CTNNA3: variants seen among roughly 807,000 people sequenced by gnomAD.
CTNNA3 encodes catenin alpha 3.
CTNNA3 carries 76 observed loss-of-function variants against 95.7 expected under a neutral mutation model. That is an observed-to-expected ratio of 0.79 (90% confidence interval 0.66 to 0.96). The LOEUF (loss-of-function observed/expected upper bound fraction) is 0.96, where lower values mean the gene tolerates loss of function less well. Among genes scored for constraint, CTNNA3 ranks in the 40% least tolerant of loss-of-function variants. CTNNA3 has a pLI of 0.00. For missense variants in CTNNA3, 1,191 were observed against 1,089.8 expected (o/e 1.09, Z -1.31); for synonymous variants, 431 against 374.4 (o/e 1.15, Z -1.74).
At chr10:66,782,752 A>C (rs1468468620) in intron 7 of CTNNA3, among the ~76,000 whole-genome samples, 2 of 152,118 alleles carry the variant, frequency 1.3e-5, no homozygotes, top group Admixed American at 6.6e-5. Context: ...TAATACATTG[A>C]GTGTTTGTAT....
intron 5 of CTNNA3, among the ~76,000 whole-genome samples, chr10:67,501,743 G>T (rs181117881): frequency 6.6e-6 from 1 of 151,526 alleles, no homozygotes; most frequent in African/African-American, 2.4e-5. Context: ...CTTTTCTTCC[G>T]CTTGATCGAT....
chr10:66,559,712 G>C (rs1842494644), intron 10 of CTNNA3, among the ~76,000 whole-genome samples: 1 of 151,752 alleles, frequency 6.6e-6, no homozygotes, highest in South Asian at 2.1e-4. Flanking sequence ...TCATTTACTG[G>C]GTTAGCATGT....
intron 7 of CTNNA3, among the ~76,000 whole-genome samples, chr10:66,812,596 T>C (rs991705851): frequency 1.3e-5 from 2 of 152,188 alleles, no homozygotes; most frequent in African/African-American, 4.8e-5. Context: ...GTAATTGTAG[T>C]ATCTACTTCA....
At chr10:66,602,098 A>AGAT (rs1383948313) in intron 10 of CTNNA3, among the ~76,000 whole-genome samples, 1 of 151,942 alleles carries the variant, frequency 6.6e-6, no homozygotes, top group Admixed American at 6.6e-5. Context: ...ATGATTGCTT[A>AGAT]GATTTGTATA....
rs145098734 is a variant in CTNNA3 at position 66,116,240 on chromosome 10, G to C, written c.1885-12991C>G. Among the ~76,000 whole-genome samples the C allele has an allele frequency of 8.5e-3, 1,299 of 152,276 alleles. 16 individuals carry two copies. The highest frequency in any genetic ancestry group is 0.029 in the African/African-American group (1,218 of 41,564). On this transcript the variant is annotated intron_variant, in intron 13 of 17. Transcript: ENST00000433211. Reference sequence around the variant, plus strand: ...CATTGTGCTGTTTCTACACAGACTTGTCCTGACCAAAGGAATTAGGACAAA... The same window carrying C: ...CATTGTGCTGTTTCTACACAGACTTCTCCTGACCAAAGGAATTAGGACAAA...
At chr10:66,302,244 A>G (rs2091872723) in intron 12 of CTNNA3, among the ~76,000 whole-genome samples, 1 of 152,066 alleles carries the variant, frequency 6.6e-6, no homozygotes, top group Admixed American at 6.5e-5. Flanking sequence ...GTCTTTCCCT[A>G]CTTGATGTAC....
At chr10:66,305,888 A>G (rs556910977) in intron 12 of CTNNA3, among the ~76,000 whole-genome samples, 1 of 152,306 alleles carries the variant, frequency 6.6e-6, no homozygotes, top group South Asian at 2.1e-4. Context: ...TCACTTATCA[A>G]TTCCATGCAG....
At chr10:66,365,857 G>A (rs1034725962) in intron 12 of CTNNA3, among the ~76,000 whole-genome samples, 8 of 151,990 alleles carry the variant, frequency 5.3e-5, no homozygotes, top group Admixed American at 5.3e-4. Context: ...ATTTAGTGAG[G>A]AACTGAAGCC....
At chr10:66,708,364 G>A (rs969844347) in intron 9 of CTNNA3, among the ~76,000 whole-genome samples, 2 of 152,034 alleles carry the variant, frequency 1.3e-5, no homozygotes, top group African/African-American at 2.4e-5. Flanking sequence ...TTGCTTGCGG[G>A]TGGCGGCCTT....
At chr10:66,758,939 C>A (rs372474664) in intron 9 of CTNNA3, among the ~76,000 whole-genome samples, 1 of 151,764 alleles carries the variant, frequency 6.6e-6, no homozygotes, top group Non-Finnish European at 1.5e-5. Context: ...TTGTCTCAAA[C>A]AAACAAACAA....
chr10:67,160,060 A>G (rs1861468224), intron 7 of CTNNA3, among the ~76,000 whole-genome samples: 1 of 152,186 alleles, frequency 6.6e-6, no homozygotes, highest in Admixed American at 6.5e-5. Context: ...AAAATGGCAA[A>G]GGACCCGAAT....
intron 5 of CTNNA3, among the ~76,000 whole-genome samples, chr10:67,492,909 T>C (rs1365642548): frequency 1.3e-5 from 2 of 152,144 alleles, no homozygotes; most frequent in African/African-American, 2.4e-5. Flanking sequence ...AGCTGGCTCA[T>C]ATTGAAATAA....
In CTNNA3 at chr10:65,917,561, T is replaced by A. The variant is rs1172838575; in HGVS notation, c.*2769A>T. 5.9e-5 allele frequency: 9 copies of A among 151,886 alleles called. No homozygotes were observed. 9.4% of individuals were successfully genotyped at this position (151,886 alleles called of 1,614,324 possible). ...TGCTCCTGTGGGTGGTAAACACCCC[T>A]CTCCTCCCTCTCAAGGAACGTTTTT... On this transcript the variant is annotated 3_prime_UTR_variant, in exon 18 of 18. Coordinates refer to ENST00000433211, the MANE Select transcript of CTNNA3 (RefSeq NM_013266.4).
At chr10:66,429,295 C>T (rs7392964) in intron 11 of CTNNA3, among the ~76,000 whole-genome samples, 40,263 of 151,964 alleles carry the variant, frequency 0.26, 5,496 homozygotes, top group South Asian at 0.39. Context: ...CAGGACCAGA[C>T]GGATTCACAG....
intron 7 of CTNNA3, among the ~76,000 whole-genome samples, chr10:67,080,936 C>CAA (rs58476986): frequency 1.6e-4 from 5 of 31,428 alleles, no homozygotes; most frequent in African/African-American, 8.8e-4. Context: ...AAAAAAACAA[C>CAA]AAAAAAAAAA....
Position 66,677,013 on chromosome 10 carries a change from T to G in CTNNA3, c.1282-55229A>C, listed in dbSNP as rs184849110. On this transcript the variant is annotated intron_variant, in intron 9 of 17. Coordinates refer to ENST00000433211, the MANE Select transcript of CTNNA3 (RefSeq NM_013266.4). The stretch of plus-strand genomic sequence containing the variant: ...GTACTGAGTGGTCAGAAATGGGGTA[T>G]TTGGAAGTAGGAAGAAATACATTAA... Among the ~76,000 whole-genome samples, 452 of 152,218 alleles carry G rather than the reference T, an allele frequency of 3.0e-3. 1 individual carries two copies. Among genetic ancestry groups the G allele is most frequent in the African/African-American group, 0.01 (423 of 41,538 alleles).
At chr10:67,375,254 G>A (rs756552363) in intron 5 of CTNNA3, among the ~76,000 whole-genome samples, 43 of 152,226 alleles carry the variant, frequency 2.8e-4, no homozygotes, top group Middle Eastern at 3.4e-3. Context: ...ATAACATTCA[G>A]CAATATCTGG....
chr10:66,722,584 C>A (rs958518811), intron 9 of CTNNA3, among the ~76,000 whole-genome samples: 2 of 146,438 alleles, frequency 1.4e-5, no homozygotes, highest in African/African-American at 5.0e-5. Flanking sequence ...CCCACCCCAC[C>A]ACACACAGAA....
chr10:67,572,838 A>G (rs1390585295), intron 3 of CTNNA3, among the ~76,000 whole-genome samples: 4 of 152,214 alleles, frequency 2.6e-5, no homozygotes, highest in Non-Finnish European at 5.9e-5. Flanking sequence ...CTGTAATGCC[A>G]GTACTTTGGG....
Sources: gnomAD v4.1 joint callset for allele counts (sites outside exome capture counted in the v4.1 genomes callset) on GRCh38, gnomAD v4.1.1 for gene constraint, MANE v1.5 for transcripts, NCBI Gene and HGNC (gene_info 2026-07-23, HGNC 2026-07-21) for gene names.